Variants in NDST3 observed in about 807,000 individuals in gnomAD.
NDST3 encodes bifunctional heparan sulfate N-deacetylase/N-sulfotransferase 3.
In NDST3, 58 loss-of-function variants were observed where a neutral mutation model predicts 96.1. The observed-to-expected ratio is 0.60, with a 90% CI of 0.49 to 0.75. NDST3 has a LOEUF of 0.75. NDST3 is among the 30% of genes least tolerant of loss of function. The pLI, the probability that NDST3 is intolerant of heterozygous loss-of-function variation, is 0.00. For synonymous variants in NDST3, 333 were observed against 359.7 expected, an observed-to-expected ratio of 0.93 and a Z score of 0.84; for missense variants, 788 against 1,034.2, an observed-to-expected ratio of 0.76 and a Z score of 3.27.
chr4:118,160,001 C>T (rs757106950), intron 6 of NDST3, among the ~76,000 whole-genome samples: 6 of 151,962 alleles, frequency 3.9e-5, no homozygotes, highest in Admixed American at 6.6e-5. Context: ...AAAGCTTATT[C>T]GAAGAAATAA....
At chr4:118,182,688 C>G (rs942093718) in intron 6 of NDST3, among the ~76,000 whole-genome samples, 9 of 152,144 alleles carry the variant, frequency 5.9e-5, no homozygotes, top group African/African-American at 1.7e-4. Context: ...TAAAATGGAA[C>G]AGAGAGAATG....
At chr4:118,035,831 GTTAA>G (rs1724121263) in intron 1 of NDST3, among the ~76,000 whole-genome samples, 1 of 151,770 alleles carries the variant, frequency 6.6e-6, no homozygotes, top group Non-Finnish European at 1.5e-5. Context: ...TGTCACATGA[GTTAA>G]TTTTCTTCAT....
intron 3 of NDST3, among the ~76,000 whole-genome samples, chr4:118,108,212 G>A (rs1449873343): frequency 6.6e-6 from 1 of 152,172 alleles, no homozygotes; most frequent in African/African-American, 2.4e-5. Flanking sequence ...ACAACTCAGG[G>A]TGAGATTTGG....
At chr4:118,049,651 A>G (rs1042160704) in intron 1 of NDST3, among the ~76,000 whole-genome samples, 3 of 151,600 alleles carry the variant, frequency 2.0e-5, no homozygotes, top group Admixed American at 1.3e-4. Flanking sequence ...TGGAAATGCA[A>G]TCTCCCAAAA....
chr4:118,234,155 T>TC (rs1169669661), intron 9 of NDST3, among the ~76,000 whole-genome samples: 2 of 152,154 alleles, frequency 1.3e-5, no homozygotes, highest in Non-Finnish European at 2.9e-5. Flanking sequence ...CTCACATGTG[T>TC]AATCCCAGCA....
chr4:118,042,194 T>C (rs1233732896), intron 1 of NDST3, among the ~76,000 whole-genome samples: 1 of 152,202 alleles, frequency 6.6e-6, no homozygotes, highest in Non-Finnish European at 1.5e-5. Context: ...TCAAGCCAAT[T>C]TCCCCTCTTA....
intron 6 of NDST3, among the ~76,000 whole-genome samples, chr4:118,164,005 C>A (rs572581342): frequency 1.3e-5 from 2 of 152,012 alleles, no homozygotes; most frequent in East Asian, 3.9e-4. Flanking sequence ...AGATACATAC[C>A]CAAAGGAATA....
At chr4:118,076,832 GA>G (rs1240726455) in intron 2 of NDST3, among the ~76,000 whole-genome samples, 3 of 152,128 alleles carry the variant, frequency 2.0e-5, no homozygotes, top group Admixed American at 1.3e-4. Flanking sequence ...ACCATTTCCG[GA>G]AAACTACTTC....
intron 2 of NDST3, among the ~76,000 whole-genome samples, chr4:118,097,863 T>C (rs1729469882): frequency 6.6e-6 from 1 of 151,878 alleles, no homozygotes; most frequent in Non-Finnish European, 1.5e-5. Flanking sequence ...CATGTTCCCA[T>C]TCAATAAATA....
rs142258327 is a variant in NDST3 at position 118,053,649 on chromosome 4, C to G, written c.-155-107C>G. 3.1e-4 allele frequency: 105 copies of G among 333,506 alleles called. 1 individual carries two copies. The highest frequency in any genetic ancestry group is 2.2e-3 in the African/African-American group (102 of 46,472). 20.7% of individuals were successfully genotyped at this position (333,506 alleles called of 1,614,324 possible). ...GGGAGGGCTTCGAATTTACTATACACCAGTTCATCTGCCAAGTACTCTGCC... is the reference window on the plus strand; with the variant it reads ...GGGAGGGCTTCGAATTTACTATACAGCAGTTCATCTGCCAAGTACTCTGCC... On this transcript the variant is annotated intron_variant, in intron 1 of 13. Coordinates refer to ENST00000296499, the MANE Select transcript of NDST3 (RefSeq NM_004784.3).
In NDST3 at chr4:118,066,465, A is replaced by T. The variant is rs1284805250; in HGVS notation, c.981+11574A>T. Among the ~76,000 whole-genome samples the T allele has an allele frequency of 6.7e-4, 2 of 3,000 alleles. 1 individual carries two copies. The highest frequency in any genetic ancestry group is 7.3e-4 in the African/African-American group (2 of 2,744). The allele number at this position is 3,000 out of a possible 152,430, so 2.0% of individuals were successfully genotyped here. A position where few individuals can be genotyped will look rare whatever the true frequency, so the allele number is the denominator to read the frequency against. On this transcript the variant is annotated intron_variant, in intron 2 of 13. Transcript: ENST00000296499. ...ATATGTTATATATTATATATACATT[A>T]TATATGTTATATATTATATATACAT...
At chr4:118,157,888 T>C (rs2076137573) in intron 6 of NDST3, among the ~76,000 whole-genome samples, 1 of 152,166 alleles carries the variant, frequency 6.6e-6, no homozygotes, top group Non-Finnish European at 1.5e-5. Context: ...TAAAATAATT[T>C]TGAGTACAGT....
intron 2 of NDST3, among the ~76,000 whole-genome samples, chr4:118,078,086 C>T (rs1201013767): frequency 6.6e-6 from 1 of 152,122 alleles, no homozygotes; most frequent in Non-Finnish European, 1.5e-5. Context: ...TTTTCATTCC[C>T]AGTCTTGCAC....
At chr4:118,210,480 A>G (rs2125985843) in intron 6 of NDST3, among the ~76,000 whole-genome samples, 1 of 152,298 alleles carries the variant, frequency 6.6e-6, no homozygotes, top group South Asian at 2.1e-4. Flanking sequence ...GGATCCTTTT[A>G]AAAGGGACCC....
intron 6 of NDST3, among the ~76,000 whole-genome samples, chr4:118,213,652 A>G (rs963024073): frequency 6.6e-6 from 1 of 150,994 alleles, no homozygotes; most frequent in Non-Finnish European, 1.5e-5. Context: ...AGCAGCAAAC[A>G]CTATGCATCA....
intron 4 of NDST3, among the ~76,000 whole-genome samples, chr4:118,121,967 A>G (rs1332591291): frequency 2.0e-5 from 3 of 152,072 alleles, no homozygotes; most frequent in Non-Finnish European, 4.4e-5. Flanking sequence ...CTATGGGAAG[A>G]CTCCATACTC....
intron 6 of NDST3, among the ~76,000 whole-genome samples, chr4:118,146,916 C>T (rs1457363364): frequency 6.6e-6 from 1 of 152,168 alleles, no homozygotes; most frequent in Non-Finnish European, 1.5e-5. Context: ...ATGACTTCCT[C>T]ATTATGGTTT....
At chr4:118,230,210 T>C (rs1560733180) in intron 8 of NDST3, among the ~76,000 whole-genome samples, 1 of 152,224 alleles carries the variant, frequency 6.6e-6, no homozygotes, top group African/African-American at 2.4e-5. Flanking sequence ...TATTGCTTCA[T>C]AGTTATTCTA....
chr4:118,067,956 A>G (rs1726732650), intron 2 of NDST3, among the ~76,000 whole-genome samples: 1 of 152,064 alleles, frequency 6.6e-6, no homozygotes, highest in Non-Finnish European at 1.5e-5. Flanking sequence ...AAAAAAAAGA[A>G]AAGAAATTGA....
Sources: gnomAD v4.1 joint callset for allele counts (sites outside exome capture counted in the v4.1 genomes callset) on GRCh38, gnomAD v4.1.1 for gene constraint, MANE v1.5 for transcripts, NCBI Gene and HGNC (gene_info 2026-07-23, HGNC 2026-07-21) for gene names.